ZNF804A: variants seen among roughly 807,000 people sequenced by gnomAD.
ZNF804A encodes the protein zinc finger protein 804A.
Under a neutral mutation model 16.5 loss-of-function variants are expected in ZNF804A, and 2 were observed. The ratio of observed to expected loss-of-function variants is 0.12; its 90% CI spans 0.05 to 0.38. The LOEUF (loss-of-function observed/expected upper bound fraction) is 0.38. Among genes scored for constraint, ZNF804A ranks in the 10% least tolerant of loss-of-function variants. The probability of loss-of-function intolerance (pLI) is 0.99; values close to 1 mark genes in which losing one functional copy is unlikely to be tolerated. For missense variants in ZNF804A, 1,473 were observed against 1,390.7 expected, an observed-to-expected ratio of 1.06 and a Z score of -0.94; for synonymous variants, 534 against 489.6, an observed-to-expected ratio of 1.09 and a Z score of -1.20.
intron 2 of ZNF804A, among the ~76,000 whole-genome samples, chr2:184,918,205 C>A (rs550389217): frequency 6.6e-6 from 1 of 152,258 alleles, no homozygotes; most frequent in South Asian, 2.1e-4. Flanking sequence ...AGCACAGTAA[C>A]TCCCTCCTTT....
At chr2:184,748,309 T>C (rs1028773740) in intron 1 of ZNF804A, among the ~76,000 whole-genome samples, 2 of 151,118 alleles carry the variant, frequency 1.3e-5, no homozygotes. Flanking sequence ...GACTTTTTAA[T>C]AATAGCCATT....
intron 1 of ZNF804A, among the ~76,000 whole-genome samples, chr2:184,771,852 A>G (rs1694220395): frequency 6.6e-6 from 1 of 152,032 alleles, no homozygotes; most frequent in East Asian, 1.9e-4. Context: ...AAACAATGTA[A>G]TCTCAGGAGT....
intron 1 of ZNF804A, among the ~76,000 whole-genome samples, chr2:184,690,350 T>C (rs770417763): frequency 1.3e-5 from 2 of 152,030 alleles, no homozygotes; most frequent in Non-Finnish European, 1.5e-5. Flanking sequence ...AAAGATTATG[T>C]AGTGTGCTTA....
chr2:184,715,647 C>T (rs111571842), intron 1 of ZNF804A, among the ~76,000 whole-genome samples: 7 of 152,156 alleles, frequency 4.6e-5, no homozygotes, highest in African/African-American at 7.2e-5. Flanking sequence ...GCCATCAACT[C>T]GCCCCAACCT....
chr2:184,609,325 A>G (rs1416826970), intron 1 of ZNF804A, among the ~76,000 whole-genome samples: 3 of 152,158 alleles, frequency 2.0e-5, no homozygotes, highest in Non-Finnish European at 4.4e-5. Context: ...GTGACACTGA[A>G]TTATGCATGA....
chr2:184,929,597 T>C (rs1325723452), intron 2 of ZNF804A, among the ~76,000 whole-genome samples: 2 of 152,172 alleles, frequency 1.3e-5, no homozygotes, highest in African/African-American at 4.8e-5. Context: ...AGAGCTTTTC[T>C]AAAGAACCAG....
chr2:184,743,282 C>T (rs373934081), intron 1 of ZNF804A, among the ~76,000 whole-genome samples: 3 of 151,936 alleles, frequency 2.0e-5, no homozygotes, highest in East Asian at 1.9e-4. Context: ...GACTTAACAT[C>T]CAATGAATCA....
chr2:184,817,806 C>G (rs1695005768), intron 1 of ZNF804A, among the ~76,000 whole-genome samples: 1 of 151,920 alleles, frequency 6.6e-6, no homozygotes, highest in African/African-American at 2.4e-5. Flanking sequence ...GTAAGAATTA[C>G]AGAGCTTGAA....
intron 1 of ZNF804A, among the ~76,000 whole-genome samples, chr2:184,865,560 A>G (rs1695867363): frequency 6.6e-6 from 1 of 152,148 alleles, no homozygotes; most frequent in Non-Finnish European, 1.5e-5. Context: ...TTAAGTAAGC[A>G]TGAAATAGCA....
At chr2:184,649,704 A>G (rs1160886353) in intron 1 of ZNF804A, among the ~76,000 whole-genome samples, 1 of 151,968 alleles carries the variant, frequency 6.6e-6, no homozygotes, top group Non-Finnish European at 1.5e-5. Flanking sequence ...TTTCCTCTGG[A>G]AGAACACAGT....
intron 1 of ZNF804A, among the ~76,000 whole-genome samples, chr2:184,661,761 C>T (rs1692179292): frequency 6.6e-6 from 1 of 152,162 alleles, no homozygotes; most frequent in Non-Finnish European, 1.5e-5. Flanking sequence ...GGGGTTTCAC[C>T]AGGGACCAGT....
chr2:184,613,931 CTA>C (rs1382424967), intron 1 of ZNF804A, among the ~76,000 whole-genome samples: 2 of 152,128 alleles, frequency 1.3e-5, no homozygotes, highest in Non-Finnish European at 1.5e-5. Flanking sequence ...TTAGAAAAAA[CTA>C]TGTTAAATTT....
intron 2 of ZNF804A, among the ~76,000 whole-genome samples, chr2:184,871,384 G>A (rs1390358166): frequency 1.3e-5 from 2 of 149,098 alleles, no homozygotes; most frequent in Admixed American, 6.7e-5. Context: ...GCTGCACTTA[G>A]GTCTTGACTG....
chr2:184,776,116 C>T (rs1694281964), intron 1 of ZNF804A, among the ~76,000 whole-genome samples: 1 of 151,428 alleles, frequency 6.6e-6, no homozygotes, highest in Non-Finnish European at 1.5e-5. Flanking sequence ...TGTTTATACC[C>T]TAACATAGTT....
At chr2:184,669,875 G>T (rs1692316667) in intron 1 of ZNF804A, among the ~76,000 whole-genome samples, 1 of 151,884 alleles carries the variant, frequency 6.6e-6, no homozygotes, top group South Asian at 2.1e-4. Flanking sequence ...ACATTTATCT[G>T]ACAAATATGA....
chr2:184,810,150 A>G (rs555412618), intron 1 of ZNF804A, among the ~76,000 whole-genome samples: 7 of 152,300 alleles, frequency 4.6e-5, no homozygotes, highest in Admixed American at 4.6e-4. Context: ...CCCTTTGTCT[A>G]TGTACTGCCT....
At chr2:184,809,651 T>A (rs112701500) in intron 1 of ZNF804A, among the ~76,000 whole-genome samples, 1 of 151,954 alleles carries the variant, frequency 6.6e-6, no homozygotes, top group South Asian at 2.1e-4. Context: ...ATACTATATA[T>A]TTTATGGTAA....
chr2:184,834,223 T>C (rs957183844), intron 1 of ZNF804A, among the ~76,000 whole-genome samples: 1 of 152,126 alleles, frequency 6.6e-6, no homozygotes, highest in African/African-American at 2.4e-5. Context: ...AAATAATAAC[T>C]GTTTATTTGA....
chr2:184,921,975 A>C (rs1468875596), intron 2 of ZNF804A, among the ~76,000 whole-genome samples: 1 of 152,084 alleles, frequency 6.6e-6, no homozygotes, highest in Non-Finnish European at 1.5e-5. Context: ...CTGAATGATA[A>C]TTTATGTGTT....
Sources: gnomAD v4.1 joint callset for allele counts (sites outside exome capture counted in the v4.1 genomes callset) on GRCh38, gnomAD v4.1.1 for gene constraint, MANE v1.5 for transcripts, NCBI Gene and HGNC (gene_info 2026-07-23, HGNC 2026-07-21) for gene names.